KIAA1217: variants seen among roughly 807,000 people sequenced by gnomAD.
The protein encoded by KIAA1217 is KIAA1217.
A neutral mutation model predicts 163.9 loss-of-function variants in KIAA1217; 88 were observed. That is an observed-to-expected ratio of 0.54 (90% CI 0.45 to 0.64). KIAA1217 has a LOEUF of 0.64. Among genes scored for constraint, KIAA1217 ranks in the 30% least tolerant of loss-of-function variants. The pLI is 0.00. For missense variants in KIAA1217, 2,372 were observed against 2,475.0 expected (o/e 0.96, Z 0.88); for synonymous variants, 903 against 923.1 (o/e 0.98, Z 0.39).
intron 5 of KIAA1217, among the ~76,000 whole-genome samples, chr10:24,470,296 C>T (rs1287378669): frequency 1.3e-5 from 2 of 152,154 alleles, no homozygotes; most frequent in South Asian, 2.1e-4. Context: ...CGCGGTTGCC[C>T]AGCCTCCCTG....
chr10:23,930,016 A>G (rs1350507521), intron 1 of KIAA1217, among the ~76,000 whole-genome samples: 3 of 152,082 alleles, frequency 2.0e-5, no homozygotes, highest in African/African-American at 7.2e-5. Flanking sequence ...GTGTATAAGC[A>G]TTCTCCTTTT....
chr10:24,110,913 T>C (rs959105178), intron 2 of KIAA1217, among the ~76,000 whole-genome samples: 4 of 152,338 alleles, frequency 2.6e-5, no homozygotes, highest in African/African-American at 9.6e-5. Context: ...TTTTAAGTTA[T>C]TTTTTTCAGT....
In KIAA1217 at chr10:24,160,489, G is replaced by C. The variant is rs146131567; in HGVS notation, c.-170-59137G>C. Among the ~76,000 whole-genome samples, 172 of 151,358 alleles carry C rather than the reference G, an allele frequency of 1.1e-3. 1 individual carries two copies. Among genetic ancestry groups the C allele is most frequent in the African/African-American group, 4.1e-3 (168 of 41,254 alleles). ...TTCAAGTTTTGGATGCTATATGAAT[G>C]GTATTTTTTTCTTAATTTCAATTTT... On this transcript the variant is annotated intron_variant, in intron 2 of 18. Coordinates refer to the KIAA1217 transcript ENST00000376462.
At chr10:23,716,340 A>G (rs1837568042) in intron 1 of KIAA1217, among the ~76,000 whole-genome samples, 1 of 152,184 alleles carries the variant, frequency 6.6e-6, no homozygotes, top group South Asian at 2.1e-4. Context: ...TCTTATGCAT[A>G]CATTTTGTAG....
At chr10:24,330,385 A>G (rs944263803) in intron 2 of KIAA1217, among the ~76,000 whole-genome samples, 1 of 151,966 alleles carries the variant, frequency 6.6e-6, no homozygotes, top group Non-Finnish European at 1.5e-5. Flanking sequence ...TTTGTTTGCC[A>G]TTTAAGAGGA....
In KIAA1217 at chr10:24,102,061, A is replaced by T. The variant is rs186555103; in HGVS notation, c.-171+94687A>T. Among the ~76,000 whole-genome samples, 540 of 152,306 alleles carry T rather than the reference A, an allele frequency of 3.5e-3. 2 individuals are homozygous for T. Among genetic ancestry groups the T allele is most frequent in the Non-Finnish European group, 4.9e-3 (335 of 68,012 alleles). On this transcript the variant is annotated intron_variant, in intron 2 of 18. Coordinates refer to the KIAA1217 transcript ENST00000376462. ...GGTACGTGAATTATATCCCAATTTT[A>T]AAAAATCCAAAGGTGTAAAAATTGG...
chr10:23,816,207 A>G (rs1837305936), intron 1 of KIAA1217, among the ~76,000 whole-genome samples: 1 of 152,182 alleles, frequency 6.6e-6, no homozygotes, highest in Non-Finnish European at 1.5e-5. Context: ...GTACTAGGTT[A>G]CAATTTTTTC....
At chr10:24,328,301 G>C (rs921624634) in intron 2 of KIAA1217, among the ~76,000 whole-genome samples, 1 of 152,134 alleles carries the variant, frequency 6.6e-6, no homozygotes, top group Non-Finnish European at 1.5e-5. Context: ...AGGGAGGGGA[G>C]TTGGTCAACA....
At chr10:24,155,590 G>A (rs1458966487) in intron 2 of KIAA1217, among the ~76,000 whole-genome samples, 2 of 152,140 alleles carry the variant, frequency 1.3e-5, no homozygotes, top group African/African-American at 4.8e-5. Flanking sequence ...GGAGGCCGAG[G>A]TGGGCGGATC....
At chr10:24,161,471 T>C (rs988436821) in intron 2 of KIAA1217, among the ~76,000 whole-genome samples, 3 of 152,222 alleles carry the variant, frequency 2.0e-5, no homozygotes, top group Non-Finnish European at 4.4e-5. Context: ...CTCTACGTCC[T>C]GAAATACACT....
intron 3 of KIAA1217, among the ~76,000 whole-genome samples, chr10:24,416,066 G>C (rs977008604): frequency 6.6e-6 from 1 of 152,172 alleles, no homozygotes; most frequent in Non-Finnish European, 1.5e-5. Context: ...CAGGGCAGCT[G>C]TACCCTGTTA....
chr10:24,467,677 T>C (rs1422904883), intron 5 of KIAA1217, among the ~76,000 whole-genome samples: 1 of 152,106 alleles, frequency 6.6e-6, no homozygotes, highest in Non-Finnish European at 1.5e-5. Context: ...TGGTACAACA[T>C]AGCTAGTTAC....
rs11331007 is a variant in KIAA1217, at chr10:24,279,237, G to GTTT, written c.354+59337_354+59339dup. On this transcript the variant is annotated intron_variant, in intron 2 of 20. Coordinates refer to ENST00000376454, the MANE Select transcript of KIAA1217 (RefSeq NM_019590.5). ...TTTCTTCTTTGCATTTCTAGTGTCT[G>GTTT]TTTTTTTTTTTGTTGGTGGTGGTGG... Among the ~76,000 whole-genome samples, 5 of 147,518 alleles carry GTTT rather than the reference G, an allele frequency of 3.4e-5. No homozygotes were observed. The Admixed American group carries it at 3.4e-4, about 10-fold the overall frequency.
At chr10:24,340,216 T>C (rs1456938273) in intron 2 of KIAA1217, among the ~76,000 whole-genome samples, 1 of 152,190 alleles carries the variant, frequency 6.6e-6, no homozygotes, top group Non-Finnish European at 1.5e-5. Context: ...CTTGGCCGTG[T>C]CCCCACCCAA....
At chr10:24,396,062 C>T (rs536114685) in intron 3 of KIAA1217, among the ~76,000 whole-genome samples, 9 of 152,278 alleles carry the variant, frequency 5.9e-5, no homozygotes, top group Non-Finnish European at 1.3e-4. Flanking sequence ...ACCGGCCAGG[C>T]GTGGTGGCTC....
chr10:24,171,129 A>G (rs1359036140), intron 2 of KIAA1217, among the ~76,000 whole-genome samples: 1 of 152,272 alleles, frequency 6.6e-6, no homozygotes, highest in Non-Finnish European at 1.5e-5. Flanking sequence ...ACTCAAAGAC[A>G]TAATCAGAAT....
chr10:23,704,068 T>A (rs1158466285), intron 1 of KIAA1217, among the ~76,000 whole-genome samples: 1 of 147,348 alleles, frequency 6.8e-6, no homozygotes, highest in Non-Finnish European at 1.5e-5. Context: ...ATACTATATA[T>A]ATATACACAA....
At position 24,123,645 on chromosome 10, in the gene KIAA1217, T is replaced by C. The variant is rs548109102; in HGVS notation, c.-170-95981T>C. 3.3e-5 allele frequency among the ~76,000 whole-genome samples: 5 copies of C among 152,284 alleles called. No homozygotes were observed. The South Asian group carries it at 6.2e-4, about 19-fold the overall frequency. On this transcript the variant is annotated intron_variant, in intron 2 of 18. Coordinates refer to the KIAA1217 transcript ENST00000376462. ...CCGATGGCAGTCACCTAAGGAGCTT[T>C]TTAAAATTACCGATGCTTAAGTCCC... is the stretch of plus-strand genomic sequence containing the variant.
chr10:23,909,621 A>G (rs1264884566), intron 1 of KIAA1217, among the ~76,000 whole-genome samples: 2 of 152,110 alleles, frequency 1.3e-5, no homozygotes, highest in Non-Finnish European at 1.5e-5. Flanking sequence ...AAGGATATGA[A>G]CTCATCTTTT....
Sources: allele counts gnomAD v4.1 joint callset (sites outside exome capture counted in the v4.1 genomes callset), GRCh38; gene constraint gnomAD v4.1.1; transcripts MANE v1.5; gene names NCBI Gene and HGNC (gene_info 2026-07-23, HGNC 2026-07-21).